DYTN: variants seen among roughly 807,000 people sequenced by gnomAD.
DYTN encodes dystrotelin.
Under a neutral mutation model 69.6 loss-of-function variants are expected in DYTN, and 75 were observed. The ratio of observed to expected loss-of-function variants is 1.08; its 90% CI spans 0.89 to 1.31. The LOEUF (loss-of-function observed/expected upper bound fraction) is 1.31, where lower values mean the gene tolerates loss of function less well. Ranked by LOEUF, DYTN falls within the 50% of genes most tolerant of loss-of-function variation. The pLI is 0.00. For missense variants in DYTN, 726 were observed against 688.4 expected (o/e 1.05, Z -0.61); for synonymous variants, 252 against 249.1 (o/e 1.01, Z -0.11).
chr2:206,682,482 A>G (rs1336062232), intron 9 of DYTN, among the ~76,000 whole-genome samples: 2 of 150,854 alleles, frequency 1.3e-5, no homozygotes, highest in African/African-American at 4.9e-5. Flanking sequence ...TTCCCTCTCC[A>G]TTCTTTCCTC....
chr2:206,693,066 T>A (rs72958692), intron 9 of DYTN, 109 bp downstream of exon 9: 40,673 of 1,414,552 alleles, frequency 0.029, 703 homozygotes, highest in Middle Eastern at 0.047. Flanking sequence ...CCCCTCCTCC[T>A]GCCTTGTCTA....
chr2:206,700,291 G>C, intron 5 of DYTN, 75 bp from the exon 6 acceptor site: 4 of 1,521,224 alleles, frequency 2.6e-6, no homozygotes, highest in Non-Finnish European at 3.6e-6. Context: ...AGGGCTGAGA[G>C]CTGGTGCCCA....
intron 9 of DYTN, among the ~76,000 whole-genome samples, chr2:206,674,181 A>G (rs1699657776): frequency 6.6e-6 from 1 of 151,816 alleles, no homozygotes; most frequent in East Asian, 1.9e-4. Flanking sequence ...AGATTTTCTT[A>G]GCAGATATTT....
At chr2:206,707,196 C>A (rs1435920335) in intron 3 of DYTN, 106 bp downstream of exon 3, 3 of 1,368,312 alleles carry the variant, frequency 2.2e-6, no homozygotes, top group Non-Finnish European at 3.0e-6. Flanking sequence ...AAGAAGACTT[C>A]TTATATACCA....
chr2:206,694,697 G>GT (rs1275320097), intron 8 of DYTN, 69 bp downstream of exon 8: 35 of 1,308,188 alleles, frequency 2.7e-5, no homozygotes, highest in Non-Finnish European at 3.5e-5. Context: ...TGGAGGGAAG[G>GT]TTTTTTCATG....
intron 11 of DYTN, among the ~76,000 whole-genome samples, chr2:206,655,587 A>ATTTT (rs146939602): frequency 7.2e-6 from 1 of 138,244 alleles, no homozygotes; most frequent in Non-Finnish European, 1.6e-5. Flanking sequence ...TTAAAAAAAA[A>ATTTT]TTTTTTTTTT....
At chr2:206,662,368 A>C (rs1699521521) in intron 11 of DYTN, among the ~76,000 whole-genome samples, 3 of 152,164 alleles carry the variant, frequency 2.0e-5, no homozygotes, top group African/African-American at 7.2e-5. Context: ...AAAATACCCT[A>C]ATGAGAAATA....
chr2:206,710,100 G>A (rs1376134530), intron 2 of DYTN, among the ~76,000 whole-genome samples: 1 of 152,012 alleles, frequency 6.6e-6, no homozygotes, highest in Non-Finnish European at 1.5e-5. Context: ...ATAGATTATA[G>A]GTACAACTTG....
chr2:206,703,492 G>A (rs1699995473), intron 5 of DYTN, among the ~76,000 whole-genome samples: 1 of 152,000 alleles, frequency 6.6e-6, no homozygotes, highest in Non-Finnish European at 1.5e-5. Context: ...AAGTATCTAT[G>A]CCTGATATTC....
chr2:206,706,321 C>T (rs555243490), intron 3 of DYTN, among the ~76,000 whole-genome samples: 2 of 152,188 alleles, frequency 1.3e-5, no homozygotes, highest in Admixed American at 1.3e-4. Flanking sequence ...ATCATCCTTG[C>T]CCACTTGCTG....
chr2:206,681,851 T>A (rs1171280436), intron 9 of DYTN, among the ~76,000 whole-genome samples: 7 of 152,174 alleles, frequency 4.6e-5, no homozygotes, highest in Admixed American at 1.3e-4. Context: ...TTTTGTTATG[T>A]CTCTGCCAGG....
chr2:206,703,969 T>C (rs892830165), intron 5 of DYTN, among the ~76,000 whole-genome samples: 2 of 152,198 alleles, frequency 1.3e-5, no homozygotes, highest in African/African-American at 4.8e-5. Flanking sequence ...TTTACATCAT[T>C]TTAACATTTA....
rs952576416 is a variant in DYTN at position 206,698,555 on chromosome 2, C to G, written c.719+1172G>C. On this transcript the variant is annotated intron_variant, in intron 7 of 11. Transcript: ENST00000452335. ...AGCTTTAGTCTTCCCACATCCCCAG[C>G]CCCTGTTCACTCATCGTGAATAATG... is the stretch of plus-strand genomic sequence containing the variant. Among the ~76,000 whole-genome samples, 3 of 152,308 alleles carry G rather than the reference C, an allele frequency of 2.0e-5. 1 individual carries two copies. Among genetic ancestry groups the G allele is most frequent in the South Asian group, 4.1e-4 (2 of 4,832 alleles).
chr2:206,714,448 C>T (rs559345805), intron 1 of DYTN, among the ~76,000 whole-genome samples: 6 of 152,276 alleles, frequency 3.9e-5, no homozygotes, highest in South Asian at 2.1e-4. Flanking sequence ...ATGGTCTGCC[C>T]GCCTCGGCCT....
intron 9 of DYTN, among the ~76,000 whole-genome samples, chr2:206,675,147 A>G (rs4675621): frequency 0.39 from 44,656 of 114,064 alleles, 7,122 homozygotes; most frequent in African/African-American, 0.46. Flanking sequence ...GTGTGTGTGT[A>G]TATATGTGTA....
intron 7 of DYTN, among the ~76,000 whole-genome samples, chr2:206,695,349 T>C (rs1398775741): frequency 1.3e-5 from 2 of 152,232 alleles, no homozygotes; most frequent in Non-Finnish European, 2.9e-5. Flanking sequence ...GGGCCTGTAT[T>C]CCTGAGTGGT....
chr2:206,693,161 T>C lies in DYTN; in HGVS notation c.980+14A>G, dbSNP rs370565386. 1.0e-4 allele frequency: 164 copies of C among 1,598,556 alleles called. No homozygotes were observed. In the African/African-American group the frequency reaches 2.0e-3, roughly 19 times the overall value. ...GCTGCTCTGTGGGATCAGCCAATCC[T>C]CGCAGCCACTCACCTGGCCTGCGCA... On this transcript the variant is annotated intron_variant, in intron 9 of 11. Coordinates refer to ENST00000452335, the MANE Select transcript of DYTN (RefSeq NM_001093730.1).
chr2:206,700,098 T>A, intron 6 of DYTN, 47 bp downstream of exon 6: 1 of 1,610,674 alleles, frequency 6.2e-7, no homozygotes, highest in African/African-American at 1.3e-5. Flanking sequence ...ACTATCCCAA[T>A]ACACCGTGTC....
chr2:206,688,646 A>C (rs1344331057), intron 9 of DYTN, among the ~76,000 whole-genome samples: 1 of 152,208 alleles, frequency 6.6e-6, no homozygotes, highest in Admixed American at 6.5e-5. Flanking sequence ...AAATTTTTGC[A>C]AGTAGGCAAA....
Sources: allele counts gnomAD v4.1 joint callset (sites outside exome capture counted in the v4.1 genomes callset), GRCh38; gene constraint gnomAD v4.1.1; transcripts MANE v1.5; gene names NCBI Gene and HGNC (gene_info 2026-07-23, HGNC 2026-07-21).